RAP1GAP: variants seen among roughly 807,000 people sequenced by gnomAD.
RAP1GAP encodes rap1 GTPase-activating protein 1.
Under a neutral mutation model 87.2 loss-of-function variants are expected in RAP1GAP, and 35 were observed. The ratio of observed to expected loss-of-function variants is 0.40; its 90% CI spans 0.31 to 0.53. The LOEUF is 0.53. RAP1GAP is among the 20% of genes least tolerant of loss of function. RAP1GAP has a pLI of 0.48. For synonymous variants in RAP1GAP, 375 were observed against 363.9 expected (o/e 1.03, Z -0.35); for missense variants, 734 against 898.9 (o/e 0.82, Z 2.35).
intron 1 of RAP1GAP, among the ~76,000 whole-genome samples, chr1:21,666,672 G>A (rs1293464443): frequency 1.3e-5 from 2 of 152,152 alleles, no homozygotes; most frequent in African/African-American, 2.4e-5. Flanking sequence ...GGGTGATGAA[G>A]CATTAACATC....
chr1:21,606,902 T>C (rs1201686213), intron 17 of RAP1GAP, among the ~76,000 whole-genome samples: 1 of 152,202 alleles, frequency 6.6e-6, no homozygotes, highest in Non-Finnish European at 1.5e-5. Context: ...GTCCAGCACC[T>C]ACCAGATGTG....
intron 6 of RAP1GAP, 62 bp downstream of exon 6, chr1:21,617,872 A>T: frequency 1.2e-6 from 2 of 1,605,642 alleles, no homozygotes; most frequent in Non-Finnish European, 1.7e-6. Flanking sequence ...TGGTATCCAG[A>T]AGCCCTGTGT....
chr1:21,657,251 C>T lies in RAP1GAP; in HGVS notation c.-148-7455G>A, dbSNP rs560492149. Among the ~76,000 whole-genome samples, 3 of 152,354 alleles carry T rather than the reference C, an allele frequency of 2.0e-5. No homozygotes were observed. In the East Asian group the frequency reaches 5.8e-4, roughly 29 times the overall value. ...TACGTGCACATGCAAAGGTCAACTC[C>T]AGCTCCCACCCTTAGGTCCCCCATC... On this transcript the variant is annotated intron_variant, in intron 1 of 24. Transcript: ENST00000374765.
chr1:21,664,176 C>T (rs1166520588), intron 1 of RAP1GAP, among the ~76,000 whole-genome samples: 2 of 152,200 alleles, frequency 1.3e-5, no homozygotes, highest in Non-Finnish European at 2.9e-5. Context: ...CAACCTAGTT[C>T]CCGGGTGGCT....
intron 14 of RAP1GAP, 68 bp downstream of exon 14, chr1:21,610,052 T>G: frequency 6.4e-7 from 1 of 1,558,946 alleles, no homozygotes; most frequent in Non-Finnish European, 8.7e-7. Flanking sequence ...CAGAGGGGCA[T>G]CCCAGGGAGG....
intron 5 of RAP1GAP, among the ~76,000 whole-genome samples, chr1:21,618,309 C>T (rs1286501205): frequency 1.3e-5 from 2 of 152,144 alleles, no homozygotes; most frequent in Non-Finnish European, 1.5e-5. Context: ...CAGGTGGCAC[C>T]GACGCTGCTG....
rs1390540933 is a variant in RAP1GAP, at chr1:21,656,444, A to C, written c.-148-6648T>G. On this transcript the variant is annotated intron_variant, in intron 1 of 24. Coordinates refer to ENST00000374765, the MANE Select transcript of RAP1GAP (RefSeq NM_002885.4). ...AAAAAAAAAAAAAAAAAAAAAAAAA[A>C]AAAAAAAAAAGACCTAACAACGGAA... 1.2e-4 allele frequency among the ~76,000 whole-genome samples: 18 copies of C among 151,220 alleles called. 1 individual carries two copies. Among genetic ancestry groups the C allele is most frequent in the South Asian group, 2.1e-4 (1 of 4,758 alleles).
intron 14 of RAP1GAP, 39 bp downstream of exon 14, chr1:21,610,081 C>T: frequency 6.2e-7 from 1 of 1,605,334 alleles, no homozygotes; most frequent in Non-Finnish European, 8.5e-7. Context: ...GCAGCCAGGG[C>T]CCTTGCTGAT....
intron 1 of RAP1GAP, chr1:21,651,655 C>T (rs764749434): frequency 4.4e-5 from 44 of 1,008,288 alleles, no homozygotes; most frequent in Non-Finnish European, 5.1e-5. Flanking sequence ...AACGCTCAGC[C>T]CCCACAGCAG....
intron 2 of RAP1GAP, among the ~76,000 whole-genome samples, chr1:21,631,498 C>T (rs1365089770): frequency 6.6e-6 from 1 of 152,170 alleles, no homozygotes; most frequent in African/African-American, 2.4e-5. Flanking sequence ...CCAACCTGGC[C>T]TACATGGCGA....
intron 7 of RAP1GAP, among the ~76,000 whole-genome samples, chr1:21,614,340 C>A (rs935529382): frequency 6.6e-6 from 1 of 152,222 alleles, no homozygotes; most frequent in Non-Finnish European, 1.5e-5. Context: ...TAGGAGGGAA[C>A]CCTGTACTTT....
At chr1:21,663,101 A>C (rs2097208161) in intron 1 of RAP1GAP, among the ~76,000 whole-genome samples, 2 of 152,178 alleles carry the variant, frequency 1.3e-5, no homozygotes, top group Admixed American at 1.3e-4. Context: ...TCGGAGGACT[A>C]CAGAGCCCAC....
At chr1:21,667,979 C>T (rs2097429650) in intron 1 of RAP1GAP, among the ~76,000 whole-genome samples, 1 of 152,168 alleles carries the variant, frequency 6.6e-6, no homozygotes, top group South Asian at 2.1e-4. Context: ...AATGGGGGGC[C>T]CCCATGGCCA....
chr1:21,664,060 G>A (rs1167731985), intron 1 of RAP1GAP, among the ~76,000 whole-genome samples: 1 of 152,224 alleles, frequency 6.6e-6, no homozygotes, highest in Non-Finnish European at 1.5e-5. Context: ...AAGAGGCCGG[G>A]CGGCTTGCCT....
chr1:21,611,773 G>A lies in RAP1GAP; in HGVS notation c.656C>T (p.Ala219Val). Residue 219 changes from alanine to valine, a missense_variant, in exon 12 of 25, where the codon GCT becomes GTT. This residue lies in a region of RAP1GAP where 485 missense variants were observed against 646.2 expected (regional missense o/e 0.75). Transcript: ENST00000374765. ...ELFSTNEESP[A>V]FVEFLEFLGQ... ...AAGAAATTCAAGGAACTCCACGAAA[G>A]CGGGACTTTCCTCATTGGTGCTGAA... 1 of 1,614,104 alleles carries A rather than the reference G, an allele frequency of 6.2e-7. No homozygotes were observed. The highest frequency in any genetic ancestry group is 1.1e-5 in the South Asian group (1 of 91,090).
rs755215946 is a variant in RAP1GAP at position 21,597,733 on chromosome 1, A to G, written c.1984-5T>C. The G allele has an allele frequency of 9.3e-6, 15 of 1,613,472 alleles. No homozygotes were observed. The highest frequency in any genetic ancestry group is 1.2e-5 in the Non-Finnish European group (14 of 1,179,670). On this transcript the variant is annotated splice_region_variant and splice_polypyrimidine_tract_variant and intron_variant, in intron 23 of 24. Coordinates refer to ENST00000374765, the MANE Select transcript of RAP1GAP (RefSeq NM_002885.4). ...GGGGTGGCCCGGCTAACAGCCCTGC[A>G]GACAGACAGTGGTGGTGAGGCAGGT...
chr1:21,636,748 A>G (rs1056447828), intron 2 of RAP1GAP, among the ~76,000 whole-genome samples: 13 of 151,928 alleles, frequency 8.6e-5, no homozygotes, highest in Non-Finnish European at 1.8e-4. Flanking sequence ...TGGAGGTTGC[A>G]GTGAGCCGAG....
chr1:21,667,845 G>T (rs991236787), intron 1 of RAP1GAP, among the ~76,000 whole-genome samples: 1 of 152,176 alleles, frequency 6.6e-6, no homozygotes, highest in Non-Finnish European at 1.5e-5. Flanking sequence ...GAAATTGCTC[G>T]TGCCACCTGA....
At chr1:21,651,729 C>T in intron 1 of RAP1GAP, 1 of 1,343,926 alleles carries the variant, frequency 7.4e-7, no homozygotes. Flanking sequence ...CCCACGCGTG[C>T]ACACGCACAC....
Sources: gnomAD v4.1 joint callset for allele counts (sites outside exome capture counted in the v4.1 genomes callset) on GRCh38, gnomAD v4.1.1 for gene constraint, gnomAD v4.1.1 regional missense constraint, MANE v1.5 for transcripts, NCBI Gene and HGNC (gene_info 2026-07-23, HGNC 2026-07-21) for gene names.